The following ST14 variants were observed in gnomAD, a reference collection of about 807,000 sequenced individuals.
The protein encoded by ST14 is suppressor of tumorigenicity 14 protein.
A neutral mutation model predicts 96.5 loss-of-function variants in ST14; 40 were observed. The observed-to-expected ratio is 0.41, with a 90% CI of 0.32 to 0.54. The LOEUF (loss-of-function observed/expected upper bound fraction) is 0.54, where lower values mean the gene tolerates loss of function less well. Among genes scored for constraint, ST14 ranks in the 20% least tolerant of loss-of-function variants. ST14 has a pLI of 0.17. For synonymous variants in ST14, 506 were observed against 492.1 expected (o/e 1.03, Z -0.37); for missense variants, 1,066 against 1,188.9 (o/e 0.90, Z 1.52).
chr11:130,165,920 G>T (rs897117655), intron 1 of ST14, among the ~76,000 whole-genome samples: 1 of 152,190 alleles, frequency 6.6e-6, no homozygotes, highest in Non-Finnish European at 1.5e-5. Context: ...TTATAAAATT[G>T]TGTTCCTGAG....
At chr11:130,163,167 T>TG (rs1209486696) in intron 1 of ST14, among the ~76,000 whole-genome samples, 1 of 152,186 alleles carries the variant, frequency 6.6e-6, no homozygotes, top group Non-Finnish European at 1.5e-5. Context: ...GAACCCAGGC[T>TG]GTCAGTGGGG....
chr11:130,159,863 C>A lies in ST14; in HGVS notation c.-117C>A. The A allele has an allele frequency of 9.4e-6, 4 of 424,140 alleles. No homozygotes were observed. The highest frequency in any genetic ancestry group is 1.4e-5 in the Non-Finnish European group (4 of 280,594). 26.3% of individuals were successfully genotyped at this position (424,140 alleles called of 1,614,324 possible). The stretch of plus-strand genomic sequence containing the variant: ...CGAGGGCACCGCCGCCGGTCGGGCG[C>A]GCTGGGCCTGCCCGGAATCCCGCCG... On this transcript the variant is annotated 5_prime_UTR_variant, in exon 1 of 19. Transcript: ENST00000278742.
chr11:130,208,315 C>T, intron 16 of ST14, 95 bp from the exon 17 acceptor site: 1 of 1,560,382 alleles, frequency 6.4e-7, no homozygotes. Flanking sequence ...AGCTGTGCCT[C>T]ATCCATGCGG....
In ST14 at chr11:130,181,556, C is replaced by T. The variant is rs1234422623; in HGVS notation, c.82-6558C>T. 1.3e-5 allele frequency among the ~76,000 whole-genome samples: 2 copies of T among 152,216 alleles called. No homozygotes were observed. Among genetic ancestry groups the T allele is most frequent in the African/African-American group, 4.8e-5 (2 of 41,462 alleles). On this transcript the variant is annotated intron_variant, in intron 1 of 18. Transcript: ENST00000278742. The surrounding 1 kb of genome is among the most constrained non-coding windows in gnomAD (Gnocchi z 4.1). Reference sequence around the variant, plus strand: ...GAAAGCAGGCGCAGGCATAGGATCTCTCCTGTCGGCTGTGGCCCAGTAGAG... The same window carrying T: ...GAAAGCAGGCGCAGGCATAGGATCTTTCCTGTCGGCTGTGGCCCAGTAGAG...
chr11:130,164,170 T>C (rs997108878), intron 1 of ST14, among the ~76,000 whole-genome samples: 9 of 152,316 alleles, frequency 5.9e-5, no homozygotes, highest in African/African-American at 2.2e-4. Context: ...GGAGCCCAGG[T>C]CCTGAAGATG....
Position 130,188,433 on chromosome 11 carries a change from T to G in ST14, c.242-97T>G. 1.9e-6 allele frequency: 3 copies of G among 1,604,104 alleles called. No homozygotes were observed. The highest frequency in any genetic ancestry group is 2.6e-6 in the Non-Finnish European group (3 of 1,176,112). ...ATGGGAAGCAGTCAGGGCTGACCCA[T>G]GGCCCCCTCCTGGCATTCATTCCCC... On this transcript the variant is annotated intron_variant, in intron 2 of 18. Transcript: ENST00000278742. The surrounding 1 kb of genome is among the most constrained non-coding windows in gnomAD (Gnocchi z 5.4).
At position 130,188,643 on chromosome 11, in the gene ST14, A is replaced by G. The variant is rs1953263001; in HGVS notation, c.355A>G (p.Lys119Glu). 1 of 1,614,192 alleles carries G rather than the reference A, an allele frequency of 6.2e-7. No individual in the cohort carries two copies. Among genetic ancestry groups the G allele is most frequent in the Admixed American group, 1.7e-5 (1 of 60,026 alleles). ...NSTEFVSLAS[K>E]VKDALKLLYS... ...CACTGAGTTTGTAAGCCTGGCCAGCAAGGTGAAGGACGCGGTGAGTGCAGC... is the reference window on the plus strand; with the variant it reads ...CACTGAGTTTGTAAGCCTGGCCAGCGAGGTGAAGGACGCGGTGAGTGCAGC... The change falls in exon 3 of 19, where the codon AAG (lysine) becomes GAG (glutamate). Residue 119 changes from lysine (K) to glutamate (E), a missense_variant. Physicochemically the swap from Lys to Glu is moderately conservative, Grantham distance 56. Transcript: ENST00000278742. This position sits in a 1 kb window ranked among gnomAD's most constrained non-coding sequence, Gnocchi z 5.4.
rs76324020 is a variant in ST14 at position 130,189,087 on chromosome 11, C to T, written c.440+148C>T. 4.5e-3 allele frequency: 3,851 copies of T among 856,866 alleles called. 85 individuals are homozygous for T. In the African/African-American group the frequency reaches 0.052, roughly 12 times the overall value. The allele number at this position is 856,866 out of a possible 1,614,324, so 53.1% of individuals were successfully genotyped here. On this transcript the variant is annotated intron_variant, in intron 4 of 18. Transcript: ENST00000278742. ...AGGGTCCTCGCTGTGTCCTCCTGTG[C>T]GTTACTTGGCAGCCTGACTCTTCTG...
chr11:130,198,210 C>A, intron 12 of ST14, 98 bp from the exon 13 acceptor site: 2 of 1,213,318 alleles, frequency 1.6e-6, no homozygotes, highest in Admixed American at 3.4e-5. Flanking sequence ...CTCTGTAGAT[C>A]AGAAAGCGGT....
At chr11:130,204,587 A>G (rs113494915) in intron 16 of ST14, among the ~76,000 whole-genome samples, 8,977 of 152,234 alleles carry the variant, frequency 0.059, 337 homozygotes, top group Middle Eastern at 0.095. Flanking sequence ...CGAAGCAGGC[A>G]GATCACCTGA....
chr11:130,194,668 G>A lies in ST14; in HGVS notation c.1044G>A (p.Gln348=). Residue 348 remains glutamine, a synonymous_variant, in exon 9 of 19, where the codon CAG becomes CAA. Transcript: ENST00000278742. ...SSCGGRLRKA[Q]GTFNSPYYPG... ...GTGGAGGCCGCTTACGTAAAGCCCA[G>A]GGGACATTCAACAGCCCCTACTACC... 1 of 1,614,174 alleles carries A rather than the reference G, an allele frequency of 6.2e-7. No homozygotes were observed. The highest frequency in any genetic ancestry group is 2.2e-5 in the East Asian group (1 of 44,882).
intron 12 of ST14, 84 bp from the exon 13 acceptor site, chr11:130,198,224 C>A: frequency 7.6e-7 from 1 of 1,323,316 alleles, no homozygotes; most frequent in Non-Finnish European, 1.1e-6. Context: ...AAGCGGTCCC[C>A]AGGTAGCTCT....
intron 4 of ST14, chr11:130,189,209 G>T: frequency 1.8e-6 from 1 of 566,340 alleles, no homozygotes; most frequent in South Asian, 2.0e-5. Flanking sequence ...GTGATTCTTT[G>T]TTGTTTTTCC....
At chr11:130,171,652 T>C (rs188161041) in intron 1 of ST14, among the ~76,000 whole-genome samples, 73 of 152,230 alleles carry the variant, frequency 4.8e-4, no homozygotes, top group African/African-American at 1.7e-3. Context: ...CAGACTTTTA[T>C]TGATGCAATT....
intron 1 of ST14, among the ~76,000 whole-genome samples, chr11:130,174,619 C>T (rs756133610): frequency 6.6e-6 from 1 of 152,174 alleles, no homozygotes. Context: ...TTTCATAGGG[C>T]ACTTTGCCCA....
intron 1 of ST14, among the ~76,000 whole-genome samples, chr11:130,177,927 C>T (rs1463121254): frequency 6.6e-6 from 1 of 152,212 alleles, no homozygotes; most frequent in African/African-American, 2.4e-5. Context: ...TAACCGGGTC[C>T]ATGCACCTTT....
chr11:130,193,004 C>G (rs368792969), intron 7 of ST14, among the ~76,000 whole-genome samples: 11 of 152,088 alleles, frequency 7.2e-5, no homozygotes, highest in African/African-American at 2.7e-4. Context: ...GTCTCAGTTT[C>G]CTCACCTCTG....
chr11:130,196,502 C>T, intron 10 of ST14, 54 bp downstream of exon 10: 1 of 1,570,224 alleles, frequency 6.4e-7, no homozygotes, highest in Non-Finnish European at 8.7e-7. Context: ...GGGGAGGGGT[C>T]CCACCAGACC....
rs1555154898 is a variant in ST14, at chr11:130,196,558, C to CT, written c.1224-12_1224-11insT. On this transcript the variant is annotated splice_polypyrimidine_tract_variant and intron_variant, in intron 10 of 18. Transcript: ENST00000278742. ...CTGTCCCTCCTCACCTTGTGCCCCG[C>CT]CCCCCCTCCAGATACTGCGGAGAGA... is the stretch of plus-strand genomic sequence containing the variant. The CT allele has an allele frequency of 8.7e-5, 128 of 1,468,496 alleles. 1 individual carries two copies. Among genetic ancestry groups the CT allele is most frequent in the Admixed American group, 3.3e-4 (15 of 45,612 alleles). 91.0% of individuals were successfully genotyped at this position (1,468,496 alleles called of 1,614,324 possible).
Sources: gnomAD v4.1 joint callset for allele counts (sites outside exome capture counted in the v4.1 genomes callset) on GRCh38, gnomAD v4.1.1 for gene constraint, Gnocchi (gnomAD v3.1) non-coding constraint, MANE v1.5 for transcripts, NCBI Gene and HGNC (gene_info 2026-07-23, HGNC 2026-07-21) for gene names.